LPP: variants seen among roughly 807,000 people sequenced by gnomAD.
The protein encoded by LPP is lipoma-preferred partner.
A neutral mutation model predicts 60.4 loss-of-function variants in LPP; 38 were observed. The observed-to-expected ratio is 0.63, with a 90% CI of 0.49 to 0.83. The LOEUF is 0.83. Among genes scored for constraint, LPP ranks in the 40% least tolerant of loss-of-function variants. The pLI is 0.00. For missense variants in LPP, 902 were observed against 783.6 expected, an observed-to-expected ratio of 1.15 and a Z score of -1.80; for synonymous variants, 328 against 290.8, an observed-to-expected ratio of 1.13 and a Z score of -1.30.
In LPP at chr3:188,687,775, C is replaced by CTTTTTTTTTTTTTTT. The variant is rs61574227; in HGVS notation, c.1114-20489_1114-20475dup. Among the ~76,000 whole-genome samples, 74 of 127,122 alleles carry CTTTTTTTTTTTTTTT rather than the reference C, an allele frequency of 5.8e-4. 3 individuals are homozygous for CTTTTTTTTTTTTTTT. Among genetic ancestry groups the CTTTTTTTTTTTTTTT allele is most frequent in the Non-Finnish European group, 8.8e-4 (54 of 61,108 alleles). The allele number at this position is 127,122 out of a possible 152,430, so 83.4% of individuals were successfully genotyped here. On this transcript the variant is annotated intron_variant, in intron 7 of 11. Transcript: ENST00000617246. ...CCTGTCTAACCAGCTGTCTTATACT[C>CTTTTTTTTTTTTTTT]TTTTTTTTTTTTTTTTTGAGATGAA...
At chr3:188,856,773 A>G (rs569910213) in intron 9 of LPP, among the ~76,000 whole-genome samples, 18 of 152,160 alleles carry the variant, frequency 1.2e-4, no homozygotes, top group African/African-American at 4.3e-4. Context: ...TAGGTTGCTG[A>G]TAGTAGGAAT....
Position 188,670,124 on chromosome 3 carries a change from G to A in LPP, c.1114-38143G>A, listed in dbSNP as rs373356919. ...GTTGGGGGTTGGGGAGAGGAGGGAG[G>A]GATAGCATTAGGAGAAATACCTAAT... On this transcript the variant is annotated intron_variant, in intron 7 of 11. Transcript: ENST00000617246. Among the ~76,000 whole-genome samples the A allele has an allele frequency of 5.9e-5, 9 of 152,164 alleles. 1 individual carries two copies. The highest frequency in any genetic ancestry group is 2.0e-4 in the Admixed American group (3 of 15,282).
intron 7 of LPP, among the ~76,000 whole-genome samples, chr3:188,613,939 A>ATTTATTTATTTT (rs1308929918): frequency 1.3e-4 from 19 of 150,480 alleles, no homozygotes; most frequent in Non-Finnish European, 8.9e-5. Context: ...TTATTTATTT[A>ATTTATTTATTTT]TTTTTTGAGA....
At chr3:188,872,597 A>C (rs1247082447) in intron 10 of LPP, 46 bp from the exon 11 acceptor site, 2 of 1,612,334 alleles carry the variant, frequency 1.2e-6, no homozygotes, top group Admixed American at 3.3e-5. Context: ...GTCCCACCTC[A>C]GTGTCGACGC....
At chr3:188,734,741 G>A (rs926058959) in intron 8 of LPP, among the ~76,000 whole-genome samples, 4 of 152,214 alleles carry the variant, frequency 2.6e-5, no homozygotes, top group African/African-American at 9.7e-5. Context: ...CTGAAGGCAG[G>A]TGCACGGATT....
intron 3 of LPP, among the ~76,000 whole-genome samples, chr3:188,350,669 G>A (rs1765596147): frequency 6.6e-6 from 1 of 152,200 alleles, no homozygotes; most frequent in South Asian, 2.1e-4. Context: ...CACTAGAATA[G>A]CAGCAATGGA....
At chr3:188,512,838 T>A (rs1377966287) in intron 5 of LPP, among the ~76,000 whole-genome samples, 2 of 152,142 alleles carry the variant, frequency 1.3e-5, no homozygotes, top group African/African-American at 4.8e-5. Flanking sequence ...GCTTTTGAAA[T>A]GTATCATGCC....
chr3:188,713,269 A>G (rs1358607940), intron 8 of LPP, among the ~76,000 whole-genome samples: 1 of 152,190 alleles, frequency 6.6e-6, no homozygotes, highest in Non-Finnish European at 1.5e-5. Context: ...GACATGCTTC[A>G]AGACACCTGT....
At chr3:188,294,010 G>T (rs1165299275) in intron 2 of LPP, among the ~76,000 whole-genome samples, 1 of 133,120 alleles carries the variant, frequency 7.5e-6, no homozygotes, top group Non-Finnish European at 1.5e-5. Context: ...AGGTTGCAGT[G>T]AGCCGAGATC....
At chr3:188,249,298 G>A (rs886376442) in intron 2 of LPP, among the ~76,000 whole-genome samples, 1 of 152,044 alleles carries the variant, frequency 6.6e-6, no homozygotes, top group African/African-American at 2.4e-5. Flanking sequence ...TCAGGAGGCT[G>A]AGGTGGGAGG....
At chr3:188,847,341 A>G (rs2151814460) in intron 9 of LPP, among the ~76,000 whole-genome samples, 1 of 152,320 alleles carries the variant, frequency 6.6e-6, no homozygotes, top group South Asian at 2.1e-4. Flanking sequence ...AGAGGAGGGC[A>G]AGGATGGATT....
chr3:188,250,772 T>TTCTTTCTGTCTGTCTTTC (rs1729005938), intron 2 of LPP, among the ~76,000 whole-genome samples: 7 of 111,098 alleles, frequency 6.3e-5, no homozygotes, highest in East Asian at 4.5e-4. Context: ...CTTTCTTTCT[T>TTCTTTCTGTCTGTCTTTC]TCTTTCTTTC....
intron 2 of LPP, among the ~76,000 whole-genome samples, chr3:188,296,982 G>A (rs1203080550): frequency 6.6e-6 from 1 of 152,206 alleles, no homozygotes; most frequent in Non-Finnish European, 1.5e-5. Context: ...GAAAGGAGAC[G>A]TTCTGCAGTG....
chr3:188,445,698 G>GA (rs1795069317), intron 4 of LPP, among the ~76,000 whole-genome samples: 1 of 151,776 alleles, frequency 6.6e-6, no homozygotes, highest in Non-Finnish European at 1.5e-5. Flanking sequence ...GCAATGTTTG[G>GA]AACTCATGAT....
intron 4 of LPP, among the ~76,000 whole-genome samples, chr3:188,465,642 C>A (rs181369992): frequency 4.9e-3 from 751 of 152,210 alleles, no homozygotes; most frequent in Non-Finnish European, 6.6e-3. Context: ...AATATAATGT[C>A]TTTATTAAAC....
chr3:188,636,439 A>G (rs181840162), intron 7 of LPP, among the ~76,000 whole-genome samples: 54 of 152,308 alleles, frequency 3.5e-4, no homozygotes, highest in Non-Finnish European at 5.9e-4. Context: ...CTAGCACAGC[A>G]GTCTGAGATC....
chr3:188,806,689 C>G (rs1173923240), intron 9 of LPP, among the ~76,000 whole-genome samples: 2 of 151,694 alleles, frequency 1.3e-5, no homozygotes. Context: ...ATTATTTATA[C>G]TCTTGATTTT....
chr3:188,274,295 G>T (rs926857767), intron 2 of LPP, among the ~76,000 whole-genome samples: 3 of 152,154 alleles, frequency 2.0e-5, no homozygotes, highest in African/African-American at 7.2e-5. Context: ...CTGTGTTTCT[G>T]CACATGATAT....
chr3:188,809,365 T>C (rs1254377279), intron 9 of LPP, among the ~76,000 whole-genome samples: 1 of 152,176 alleles, frequency 6.6e-6, no homozygotes, highest in East Asian at 1.9e-4. Context: ...GACTTTTTAA[T>C]AATCGCCATT....
Sources: gnomAD v4.1 joint callset for allele counts (sites outside exome capture counted in the v4.1 genomes callset) on GRCh38, gnomAD v4.1.1 for gene constraint, MANE v1.5 for transcripts, NCBI Gene and HGNC (gene_info 2026-07-23, HGNC 2026-07-21) for gene names.